The following NEB variants were observed in gnomAD, a reference collection of about 807,000 sequenced individuals.
The protein encoded by NEB is nemaline myopathy type 2.
A neutral mutation model predicts 952.2 loss-of-function variants in NEB; 512 were observed. The ratio of observed to expected loss-of-function variants is 0.54; its 90% CI spans 0.50 to 0.58. NEB has a LOEUF of 0.58. NEB is among the 20% of genes least tolerant of loss of function. The pLI, the probability that NEB is intolerant of heterozygous loss-of-function variation, is 0.00. For missense variants in NEB, 8,428 were observed against 9,231.1 expected (o/e 0.91, Z 3.56); for synonymous variants, 2,900 against 3,149.8 (o/e 0.92, Z 2.66).
Position 151,723,456 on chromosome 2 carries a change from TG to T in NEB, c.642del (p.Asp214GlufsTer14). ...TCATTATAGGGGTAAAACAAACTTT[TG>T]TCTGCTTCCCAGTCTTCAGTGTACA... ...KKLYTEDWEA[D>X]KSLFYPYNDS... On this transcript the variant is annotated frameshift_variant, in exon 9 of 182. Transcript: ENST00000397345. LOFTEE classifies it high-confidence loss of function. 1 of 1,609,446 alleles carries T rather than the reference TG, an allele frequency of 6.2e-7. No individual in the cohort carries two copies. Among genetic ancestry groups the T allele is most frequent in the Non-Finnish European group, 8.5e-7 (1 of 1,177,802 alleles).
At position 151,729,625 on chromosome 2, in the gene NEB, A is replaced by G; in HGVS notation, c.68T>C (p.Val23Ala). 1 of 1,613,326 alleles carries G rather than the reference A, an allele frequency of 6.2e-7. No homozygotes were observed. Among genetic ancestry groups the G allele is most frequent in the Non-Finnish European group, 8.5e-7 (1 of 1,179,484 alleles). ...YYTEEVVYEE[V>A]PGETITKIYE... is the part of the protein sequence containing the mutation. ...TGGGCTGGGCCTTACCTCTCCCGGCACCTCTTCGTAAACCACTTCTTCTGT... is the reference window on the plus strand; with the variant it reads ...TGGGCTGGGCCTTACCTCTCCCGGCGCCTCTTCGTAAACCACTTCTTCTGT... The change falls in exon 4 of 182, where the codon GTG (valine) becomes GCG (alanine). Residue 23 changes from valine (V) to alanine (A), a missense_variant. Physicochemically the swap from Val to Ala is moderately conservative, Grantham distance 64. Coordinates refer to ENST00000397345, the MANE Select transcript of NEB (RefSeq NM_001164508.2).
At chr2:151,678,261 G>T in intron 32 of NEB, 74 bp from the exon 33 acceptor site, 1 of 958,326 alleles carries the variant, frequency 1.0e-6, no homozygotes, top group South Asian at 1.9e-5. Flanking sequence ...GCCATGATTT[G>T]AAGTAATTGA....
chr2:151,705,598 A>G (rs542519903), intron 13 of NEB, among the ~76,000 whole-genome samples: 36 of 152,362 alleles, frequency 2.4e-4, no homozygotes, highest in Admixed American at 7.2e-4. Flanking sequence ...GAAAAGAAAT[A>G]ATATGAAAAA....
At chr2:151,665,613 AC>A in intron 41 of NEB, 74 bp from the exon 42 acceptor site, 2 of 1,293,786 alleles carry the variant, frequency 1.5e-6, no homozygotes, top group Non-Finnish European at 2.1e-6. Context: ...TGATTTACTT[AC>A]AATCAAAAAG....
In NEB at chr2:151,682,724, A is replaced by G. The variant is rs1229541680; in HGVS notation, c.2881T>C (p.Trp961Arg). Reference protein sequence around the residue: ...DYNSWMKGCGWVPFGSLEMEK... With the variant: ...DYNSWMKGCGRVPFGSLEMEK... ...ATTTCTAAGGACCCAAAAGGCACCC[A>G]GCCACAACCTTTCATCCAGCTATTG... The change falls in exon 29 of 182, where the codon TGG becomes CGG. Residue 961 changes from tryptophan (W) to arginine (R), a missense_variant. Trp to Arg is a moderately radical substitution (Grantham distance 101). Around this residue, in one of 11 missense-constraint regions of NEB, gnomAD observed 2,851 missense variants for 2,791.5 expected, o/e 1.02. Coordinates refer to ENST00000397345, the MANE Select transcript of NEB (RefSeq NM_001164508.2). The G allele has an allele frequency of 2.5e-6, 4 of 1,613,430 alleles. No homozygotes were observed. The highest frequency in any genetic ancestry group is 2.2e-5 in the South Asian group (2 of 91,024).
chr2:151,546,086 G>A (rs1559763886), intron 134 of NEB, 88 bp from the exon 135 acceptor site: 4 of 941,260 alleles, frequency 4.2e-6, no homozygotes, highest in Admixed American at 4.4e-5. Flanking sequence ...TCTGGCATGT[G>A]TAAGCTGAGC....
At chr2:151,633,252 T>C (rs578183119) in intron 65 of NEB, among the ~76,000 whole-genome samples, 1 of 152,228 alleles carries the variant, frequency 6.6e-6, no homozygotes, top group Non-Finnish European at 1.5e-5. Context: ...ACTTCTTTTA[T>C]TTCATAAGCA....
chr2:151,530,720 C>T (rs1324497130), intron 145 of NEB: 5 of 326,384 alleles, frequency 1.5e-5, no homozygotes, highest in Non-Finnish European at 2.8e-5. Context: ...GCTCCCAGCC[C>T]GCAGCCATCA....
rs2153726842 is a variant in NEB at position 151,565,098 on chromosome 2, T to C, written c.18417A>G (p.Ser6139=). Residue 6139 remains serine (S), a synonymous_variant, in exon 117 of 182, where the codon TCA becomes TCG. Transcript: ENST00000397345. ...FNKAKGKYTF[S]PDTPHISHSK... The stretch of plus-strand genomic sequence containing the variant: ...AGTGGGAGATATGTGGTGTATCTGG[T>C]GAAAACGTATATTTGCCCTTTGCTT... 6.2e-7 allele frequency: 1 copy of C among 1,601,314 alleles called. No homozygotes were observed. Among genetic ancestry groups the C allele is most frequent in the Admixed American group, 1.7e-5 (1 of 59,734 alleles).
rs536375355 is a variant in NEB at position 151,551,757 on chromosome 2, G to A, written c.19925C>T (p.Ala6642Val). Reference sequence around the variant, plus strand: ...GCTCACCGAACTCTGGAGCTTGTATGCATGAAGGGCCCGGTCCAGATCCAC... The same window carrying A: ...GCTCACCGAACTCTGGAGCTTGTATACATGAAGGGCCCGGTCCAGATCCAC... ...KTVDLDRALH[A>V]YKLQSSNLYK... Residue 6642 changes from alanine to valine, a missense_variant, in exon 129 of 182, where the codon GCA (alanine) becomes GTA (valine). This residue lies in a region of NEB where 3,374 missense variants were observed against 3,651.5 expected (regional missense o/e 0.92). Coordinates refer to ENST00000397345, the MANE Select transcript of NEB (RefSeq NM_001164508.2). The A allele has an allele frequency of 1.2e-6, 2 of 1,613,504 alleles. No homozygotes were observed. Among genetic ancestry groups the A allele is most frequent in the East Asian group, 4.5e-5 (2 of 44,812 alleles).
At chr2:151,620,347 GTATATA>G (rs71000481) in intron 72 of NEB, among the ~76,000 whole-genome samples, 1,468 of 48,324 alleles carry the variant, frequency 0.03, 22 homozygotes, top group South Asian at 0.068. Context: ...GTATGTGTGT[GTATATA>G]TATATATATA....
At chr2:151,497,277 T>TGTTA (rs2060851628) in intron 171 of NEB, 1 of 929,782 alleles carries the variant, frequency 1.1e-6, no homozygotes, top group African/African-American at 1.8e-5. Context: ...GAGTTATCCA[T>TGTTA]GTTATTTTTT....
At chr2:151,627,432 T>C in intron 69 of NEB, 91 bp downstream of exon 69, 1 of 1,529,162 alleles carries the variant, frequency 6.5e-7, no homozygotes, top group Non-Finnish European at 8.9e-7. Flanking sequence ...TGTCATCCCT[T>C]CTGAAGGTTC....
chr2:151,508,358 G>T (rs2071017256), intron 161 of NEB, among the ~76,000 whole-genome samples: 1 of 152,188 alleles, frequency 6.6e-6, no homozygotes, highest in African/African-American at 2.4e-5. Flanking sequence ...TGGCAAAGCT[G>T]GCAGAGGGGG....
chr2:151,609,922 A>G lies in NEB; in HGVS notation c.12217T>C (p.Cys4073Arg). 6.2e-7 allele frequency: 1 copy of G among 1,613,980 alleles called. No homozygotes were observed. The highest frequency in any genetic ancestry group is 1.1e-5 in the South Asian group (1 of 91,078). ...TCAATGTCAGTGACCAAAGTCTGACATTTCTTGGCCAGCAAGATGCTTAAC... is the reference window on the plus strand; with the variant it reads ...TCAATGTCAGTGACCAAAGTCTGACGTTTCTTGGCCAGCAAGATGCTTAAC... Reference protein sequence around the residue: ...DMLSILLAKKCQTLVTDIDYR... With the variant: ...DMLSILLAKKRQTLVTDIDYR... Residue 4073 changes from cysteine to arginine, a missense_variant, in exon 81 of 182, where the codon TGT becomes CGT. By Grantham distance (180) the Cys-to-Arg change is radical (BLOSUM62 -3). Around this residue, in one of 11 missense-constraint regions of NEB, gnomAD observed 337 missense variants for 297.5 expected, o/e 1.13. Transcript: ENST00000397345.
chr2:151,539,728 G>A (rs1427030898), intron 138 of NEB, among the ~76,000 whole-genome samples: 5 of 152,144 alleles, frequency 3.3e-5, no homozygotes, highest in African/African-American at 1.2e-4. Context: ...AGGCAGCCTT[G>A]CCCTCGATTG....
chr2:151,656,592 T>G, intron 48 of NEB, 128 bp from the exon 49 acceptor site: 27 of 408,086 alleles, frequency 6.6e-5, no homozygotes, highest in Non-Finnish European at 8.7e-5. Flanking sequence ...TATAGAGCTC[T>G]ATAGTTCACA....
chr2:151,620,523 C>T (rs1364711094), intron 72 of NEB, among the ~76,000 whole-genome samples: 1 of 151,818 alleles, frequency 6.6e-6, no homozygotes, highest in Non-Finnish European at 1.5e-5. Flanking sequence ...CTGTGCACCA[C>T]ATAGAAAGAA....
intron 9 of NEB, among the ~76,000 whole-genome samples, chr2:151,722,630 A>G (rs768523270): frequency 2.3e-4 from 35 of 152,074 alleles, no homozygotes; most frequent in Non-Finnish European, 3.4e-4. Flanking sequence ...TGCAGCCTCG[A>G]CCTCCTGGGT....
Sources: allele counts gnomAD v4.1 joint callset (sites outside exome capture counted in the v4.1 genomes callset), GRCh38; gene constraint gnomAD v4.1.1; regional missense constraint gnomAD v4.1.1; transcripts MANE v1.5; gene names NCBI Gene and HGNC (gene_info 2026-07-23, HGNC 2026-07-21).